Variants in STAT2 observed in about 807,000 individuals in gnomAD.
STAT2 encodes interferon alpha induced transcriptional activator.
In STAT2, 51 loss-of-function variants were observed where a neutral mutation model predicts 122.3. The observed-to-expected ratio is 0.42, with a 90% CI of 0.33 to 0.53. The LOEUF (loss-of-function observed/expected upper bound fraction) is 0.53. Among genes scored for constraint, STAT2 ranks in the 20% least tolerant of loss-of-function variants. The pLI is 0.10. For synonymous variants in STAT2, 351 were observed against 394.9 expected (o/e 0.89, Z 1.32); for missense variants, 736 against 1,010.3 (o/e 0.73, Z 3.68).
chr12:56,349,880 C>T lies in STAT2; in HGVS notation c.1209+217G>A, dbSNP rs1466942339. 1.0e-4 allele frequency: 66 copies of T among 644,138 alleles called. No individual in the cohort carries two copies. The East Asian group carries it at 1.7e-3, about 17-fold the overall frequency. 39.9% of individuals were successfully genotyped at this position (644,138 alleles called of 1,614,324 possible). A position where few individuals can be genotyped will look rare whatever the true frequency, so the allele number is the denominator to read the frequency against. On this transcript the variant is annotated intron_variant, in intron 13 of 23. Coordinates refer to ENST00000314128, the MANE Select transcript of STAT2 (RefSeq NM_005419.4). ...CCCGACCAATATGGTGAAACCCTAT[C>T]TCTACTAAAAATACAAAAATTAGCC...
Position 56,356,533 on chromosome 12 carries a change from G to A in STAT2, c.39C>T (p.Pro13=). 1 of 1,614,240 alleles carries A rather than the reference G, an allele frequency of 6.2e-7. No homozygotes were observed. Among genetic ancestry groups the A allele is most frequent in the Non-Finnish European group, 8.5e-7 (1 of 1,180,048 alleles). Residue 13 remains proline, a synonymous_variant, in exon 2 of 24, where the codon CCC becomes CCT. Coordinates refer to ENST00000314128, the MANE Select transcript of STAT2 (RefSeq NM_005419.4). ...QWEMLQNLDS[P]FQDQLHQLYS... ...AAAGCTGGTGCAGCTGATCCTGAAAGGGGCTGTCAAGATTCTGCAGCATTT... is the reference window on the plus strand; with the variant it reads ...AAAGCTGGTGCAGCTGATCCTGAAAAGGGCTGTCAAGATTCTGCAGCATTT...
At chr12:56,358,242 CTTT>C (rs1197874842) in intron 1 of STAT2, among the ~76,000 whole-genome samples, 1 of 132,626 alleles carries the variant, frequency 7.5e-6, no homozygotes, top group Non-Finnish European at 1.6e-5. Flanking sequence ...TTTTTTTTTT[CTTT>C]TTTTTTTTTT....
chr12:56,345,994 G>T, intron 22 of STAT2, 152 bp downstream of exon 22: 6 of 1,559,530 alleles, frequency 3.8e-6, no homozygotes, highest in Non-Finnish European at 4.3e-6. Flanking sequence ...CTTAGGAGAA[G>T]GCAGAAAGGA....
intron 23 of STAT2, 139 bp from the exon 24 acceptor site, chr12:56,343,670 G>A: frequency 5.9e-6 from 9 of 1,516,330 alleles, no homozygotes; most frequent in Non-Finnish European, 8.0e-6. Context: ...GCAGGGAGGT[G>A]GGGGAAGGCA....
rs770766541 is a variant in STAT2, at chr12:56,351,309, T to C, written c.924A>G (p.Leu308=). Residue 308 remains leucine (L), a synonymous_variant, in exon 9 of 24, where the codon CTA becomes CTG. Transcript: ENST00000314128. ...DLRNAQVTEL[L]QRLLHRAFVV... ...CTCTAGACCTGTGGAGCAGACGCTG[T>C]AGCAACTCTGTGACCTGGGCGTTGC... 1.2e-6 allele frequency: 2 copies of C among 1,614,138 alleles called. No individual in the cohort carries two copies. The highest frequency in any genetic ancestry group is 1.7e-6 in the Non-Finnish European group (2 of 1,180,004).
At chr12:56,350,481 G>C in intron 11 of STAT2, 49 bp from the exon 12 acceptor site, 1 of 1,548,306 alleles carries the variant, frequency 6.5e-7, no homozygotes. Context: ...GAGTATGGAA[G>C]TTAGGAGTTT....
chr12:56,350,724 T>C (rs549582125), intron 11 of STAT2, 105 bp downstream of exon 11: 18 of 1,214,036 alleles, frequency 1.5e-5, no homozygotes, highest in East Asian at 2.3e-5. Context: ...TGAGGTAGGA[T>C]TGGAAGGAGG....
intron 19 of STAT2, among the ~76,000 whole-genome samples, chr12:56,347,439 C>G (rs1174364685): frequency 6.6e-6 from 1 of 152,146 alleles, no homozygotes; most frequent in Non-Finnish European, 1.5e-5. Context: ...GATCTGTACT[C>G]CTCAGCCTCC....
In STAT2 at chr12:56,348,552, G is replaced by A; in HGVS notation, c.1701C>T (p.His567=). Residue 567 remains histidine, a synonymous_variant, in exon 19 of 24, where the codon CAC becomes CAT. Transcript: ENST00000314128. ...ACCCATCATTCCAGAGATCCTTCAGGTGGTCATGTACCAACTCCAGAATTT... is the reference window on the plus strand; with the variant it reads ...ACCCATCATTCCAGAGATCCTTCAGATGGTCATGTACCAACTCCAGAATTT... The part of the protein sequence containing the change: ...LDKILELVHD[H]LKDLWNDGRI... 1 of 1,614,170 alleles carries A rather than the reference G, an allele frequency of 6.2e-7. No individual in the cohort carries two copies.
intron 21 of STAT2, 108 bp from the exon 22 acceptor site, chr12:56,346,311 C>A: frequency 6.4e-7 from 1 of 1,558,680 alleles, no homozygotes; most frequent in South Asian, 1.1e-5. Context: ...TAGTAACCAG[C>A]AGTATCCCAT....
chr12:56,351,269 G>A (rs1213683935), intron 9 of STAT2, 23 bp downstream of exon 9: 1 of 1,612,780 alleles, frequency 6.2e-7, no homozygotes. Flanking sequence ...CTTTCCCCCA[G>A]GGTTCCTGCC....
chr12:56,348,855 GGATA>G, intron 17 of STAT2, 51 bp from the exon 18 acceptor site: 4 of 1,614,114 alleles, frequency 2.5e-6, no homozygotes, highest in Non-Finnish European at 2.5e-6. Flanking sequence ...AGGGGTCCTG[GGATA>G]GATAGGACAG....
intron 17 of STAT2, 37 bp from the exon 18 acceptor site, chr12:56,348,841 A>G: frequency 6.2e-7 from 1 of 1,614,188 alleles, no homozygotes; most frequent in Non-Finnish European, 8.5e-7. Context: ...TGATGAGGGA[A>G]GCCAGGGGTC....
At chr12:56,350,973 A>G (rs1277604054) in intron 10 of STAT2, 85 bp from the exon 11 acceptor site, 13 of 1,582,246 alleles carry the variant, frequency 8.2e-6, no homozygotes, top group South Asian at 3.3e-5. Context: ...AAGAGGGATT[A>G]TAAGAGGTAG....
chr12:56,349,371 C>T (rs747140376), intron 15 of STAT2, 55 bp downstream of exon 15: 2 of 1,614,012 alleles, frequency 1.2e-6, no homozygotes, highest in African/African-American at 2.7e-5. Flanking sequence ...TTATCCCCTT[C>T]TTATGCCTTC....
intron 8 of STAT2, among the ~76,000 whole-genome samples, chr12:56,352,054 G>A (rs1264187293): frequency 1.3e-5 from 2 of 151,846 alleles, no homozygotes; most frequent in African/African-American, 4.8e-5. Context: ...CACCACGCCC[G>A]GCTAACTTAT....
At chr12:56,352,474 G>A (rs955523994) in intron 8 of STAT2, 2 of 147,736 alleles carry the variant, frequency 1.4e-5, no homozygotes, top group Non-Finnish European at 3.0e-5. Context: ...AAAAAGCCTC[G>A]CCAGCTGACA....
Position 56,356,471 on chromosome 12 carries a change from T to A in STAT2, c.101A>T (p.Tyr34Phe). 1 of 1,614,152 alleles carries A rather than the reference T, an allele frequency of 6.2e-7. No individual in the cohort carries two copies. The change falls in exon 2 of 24, where the codon TAC becomes TTC. Residue 34 changes from tyrosine (Y) to phenylalanine (F), a missense_variant. By Grantham distance (22) the Tyr-to-Phe change is conservative (BLOSUM62 3). Transcript: ENST00000314128. ...HSLLPVDIRQ[Y>F]LAVWIEDQNW... Reference sequence around the variant, plus strand: ...CTGGTCTTCAATCCAGACAGCCAAGTACTGTCGAATGTCCACAGGCAGGAG... The same window carrying A: ...CTGGTCTTCAATCCAGACAGCCAAGAACTGTCGAATGTCCACAGGCAGGAG...
intron 8 of STAT2, 95 bp from the exon 9 acceptor site, chr12:56,351,545 A>T: frequency 1.5e-6 from 2 of 1,332,762 alleles, no homozygotes; most frequent in Non-Finnish European, 2.1e-6. Context: ...GAAGAGTCAG[A>T]AACTGACTGG....
Sources: allele counts gnomAD v4.1 joint callset (sites outside exome capture counted in the v4.1 genomes callset), GRCh38; gene constraint gnomAD v4.1.1; transcripts MANE v1.5; gene names NCBI Gene and HGNC (gene_info 2026-07-23, HGNC 2026-07-21).